RALGPS1: variants seen among roughly 807,000 people sequenced by gnomAD.
RALGPS1 encodes Ral GEF with PH domain and SH3 binding motif 1.
Under a neutral mutation model 78.8 loss-of-function variants are expected in RALGPS1, and 19 were observed. The ratio of observed to expected loss-of-function variants is 0.24; its 90% CI spans 0.17 to 0.35. RALGPS1 has a LOEUF of 0.35. Ranked by LOEUF, RALGPS1 falls within the 10% of genes least tolerant of loss-of-function variation. The probability of loss-of-function intolerance (pLI) is 1.00; values close to 1 mark genes in which losing one functional copy is unlikely to be tolerated. For missense variants in RALGPS1, 454 were observed against 688.3 expected (o/e 0.66, Z 3.81); for synonymous variants, 228 against 256.3 (o/e 0.89, Z 1.06).
intron 4 of RALGPS1, among the ~76,000 whole-genome samples, chr9:127,026,849 C>CT (rs77418989): frequency 0.38 from 57,443 of 152,036 alleles, 12,629 homozygotes; most frequent in Non-Finnish European, 0.48. Flanking sequence ...GTGCAGTTCT[C>CT]TAACTGTCAG....
intron 8 of RALGPS1, among the ~76,000 whole-genome samples, chr9:127,116,861 C>T (rs931182758): frequency 6.6e-6 from 1 of 152,110 alleles, no homozygotes; most frequent in African/African-American, 2.4e-5. Flanking sequence ...GATGAAGCCA[C>T]TTGTCCAGGG....
At chr9:127,210,553 T>TG (rs1390508966) in intron 14 of RALGPS1, 5 of 639,554 alleles carry the variant, frequency 7.8e-6, no homozygotes, top group Admixed American at 7.4e-5. Context: ...CCGAGGAGGC[T>TG]GGGGAGGAGT....
intron 1 of RALGPS1, among the ~76,000 whole-genome samples, chr9:126,940,163 T>C (rs2036624912): frequency 6.6e-6 from 1 of 152,160 alleles, no homozygotes; most frequent in Admixed American, 6.5e-5. Context: ...TTCTTTACCA[T>C]GTGCAAATAG....
At chr9:127,206,045 G>C (rs1588557511) in intron 14 of RALGPS1, among the ~76,000 whole-genome samples, 1 of 152,258 alleles carries the variant, frequency 6.6e-6, no homozygotes, top group Non-Finnish European at 1.5e-5. Context: ...ACAACCCAGG[G>C]CCCAGCAGAA....
intron 4 of RALGPS1, among the ~76,000 whole-genome samples, chr9:127,005,466 G>A (rs1317315949): frequency 1.3e-5 from 2 of 152,190 alleles, no homozygotes; most frequent in Non-Finnish European, 2.9e-5. Context: ...GGGACTTTCT[G>A]TGTCAGCGTG....
intron 4 of RALGPS1, among the ~76,000 whole-genome samples, chr9:127,011,148 G>A (rs1283134502): frequency 6.6e-6 from 1 of 152,078 alleles, no homozygotes; most frequent in African/African-American, 2.4e-5. Flanking sequence ...TGCATAGGGT[G>A]TTCCTAGACC....
At chr9:127,187,754 C>G (rs2140334857) in intron 11 of RALGPS1, among the ~76,000 whole-genome samples, 1 of 152,338 alleles carries the variant, frequency 6.6e-6, no homozygotes, top group African/African-American at 2.4e-5. Context: ...GGATTTGTTT[C>G]TTGAGCAATA....
chr9:126,998,086 A>T (rs1469637851), intron 4 of RALGPS1, among the ~76,000 whole-genome samples: 1 of 152,210 alleles, frequency 6.6e-6, no homozygotes, highest in Non-Finnish European at 1.5e-5. Flanking sequence ...AACCTAGGCA[A>T]TACCATTCAG....
At chr9:127,127,616 C>T (rs1386356761) in intron 8 of RALGPS1, among the ~76,000 whole-genome samples, 1 of 150,726 alleles carries the variant, frequency 6.6e-6, no homozygotes, top group Non-Finnish European at 1.5e-5. Flanking sequence ...GATGTACTGT[C>T]CTCACAAGCC....
chr9:126,958,802 T>G lies in RALGPS1; in HGVS notation c.-65-3423T>G, dbSNP rs559953284. Among the ~76,000 whole-genome samples the G allele has an allele frequency of 2.6e-5, 4 of 152,350 alleles. No homozygotes were observed. The East Asian group carries it at 7.7e-4, about 29-fold the overall frequency. ...ACCTAGGAGTAGAATTACTGGGTCA[T>G]GTGATAAATTTATATTTAACTTTTT... On this transcript the variant is annotated intron_variant, in intron 1 of 18. Transcript: ENST00000259351.
Position 127,196,540 on chromosome 9 carries a change from C to A in RALGPS1, c.1104C>A (p.His368Gln). ...SATFPSEKAR[H>Q]LLDDSVLESR... ...CATTCCCATCGGAGAAAGCAAGGCA[C>A]CTACTGGACGACAGTGTCCTAGAGT... is the stretch of plus-strand genomic sequence containing the variant. The change falls in exon 13 of 19, where the codon CAC (histidine) becomes CAA (glutamine). Residue 368 changes from histidine (H) to glutamine (Q), a missense_variant. Coordinates refer to ENST00000259351, the MANE Select transcript of RALGPS1 (RefSeq NM_014636.3). 1 of 1,614,170 alleles carries A rather than the reference C, an allele frequency of 6.2e-7. No individual in the cohort carries two copies.
At chr9:127,038,874 A>G (rs35437886) in intron 5 of RALGPS1, among the ~76,000 whole-genome samples, 1 of 152,142 alleles carries the variant, frequency 6.6e-6, no homozygotes, top group African/African-American at 2.4e-5. Context: ...AGACAAAATG[A>G]CAGCCCTTGG....
intron 7 of RALGPS1, among the ~76,000 whole-genome samples, chr9:127,060,818 C>T (rs972726845): frequency 3.9e-5 from 6 of 152,216 alleles, no homozygotes; most frequent in African/African-American, 1.4e-4. Flanking sequence ...GGCTGTGTGC[C>T]ATCGCTCCTT....
chr9:127,079,653 G>A (rs1643509801), intron 8 of RALGPS1: 1 of 152,146 alleles, frequency 6.6e-6, no homozygotes, highest in South Asian at 2.1e-4. Context: ...GTGTGGCACG[G>A]GATTGAGACC....
chr9:127,134,036 C>T (rs1243207121), intron 8 of RALGPS1, among the ~76,000 whole-genome samples: 4 of 151,742 alleles, frequency 2.6e-5, no homozygotes, highest in African/African-American at 9.7e-5. Flanking sequence ...TGATTCAGCA[C>T]ACACAGAGAG....
chr9:127,180,010 A>G (rs991037768), intron 11 of RALGPS1, among the ~76,000 whole-genome samples: 1 of 152,116 alleles, frequency 6.6e-6, no homozygotes, highest in African/African-American at 2.4e-5. Context: ...CACACCAACA[A>G]ATAGGCTGTG....
chr9:126,920,883 G>T (rs1364135992), intron 1 of RALGPS1, among the ~76,000 whole-genome samples: 1 of 152,166 alleles, frequency 6.6e-6, no homozygotes, highest in African/African-American at 2.4e-5. Context: ...TCAGGCTCGG[G>T]GCCAGGCAGA....
chr9:127,026,839 G>GTGC (rs2046002017), intron 4 of RALGPS1, among the ~76,000 whole-genome samples: 1 of 125,982 alleles, frequency 7.9e-6, no homozygotes. Context: ...GGCATGCAGG[G>GTGC]TGCAGTTCTC....
intron 7 of RALGPS1, among the ~76,000 whole-genome samples, chr9:127,056,063 G>A (rs1202370273): frequency 1.3e-5 from 2 of 152,208 alleles, no homozygotes; most frequent in Non-Finnish European, 2.9e-5. Flanking sequence ...TGGATTGATT[G>A]TTTATACCAT....
Sources: allele counts gnomAD v4.1 joint callset (sites outside exome capture counted in the v4.1 genomes callset), GRCh38; gene constraint gnomAD v4.1.1; transcripts MANE v1.5; gene names NCBI Gene and HGNC (gene_info 2026-07-23, HGNC 2026-07-21).